The following DCPS variants were observed in gnomAD, a reference collection of about 807,000 sequenced individuals.
The protein encoded by DCPS is decapping enzyme, scavenger.
DCPS carries 27 observed loss-of-function variants against 34.7 expected under a neutral mutation model. The ratio of observed to expected loss-of-function variants is 0.78; its 90% CI spans 0.57 to 1.07. DCPS has a LOEUF of 1.07. Among genes scored for constraint, DCPS ranks in the 50% least tolerant of loss-of-function variants. DCPS has a pLI of 0.00. For missense variants in DCPS, 464 were observed against 436.9 expected, an observed-to-expected ratio of 1.06 and a Z score of -0.55; for synonymous variants, 185 against 185.7, an observed-to-expected ratio of 1.00 and a Z score of 0.03.
intron 2 of DCPS, among the ~76,000 whole-genome samples, chr11:126,308,032 A>G (rs1359251497): frequency 6.6e-6 from 1 of 152,208 alleles, no homozygotes; most frequent in Non-Finnish European, 1.5e-5. Context: ...GGGAGAGACA[A>G]CTAGTGAGAT....
chr11:126,335,412 T>C lies in DCPS; in HGVS notation c.523-2874T>C, dbSNP rs1031195839. 7.9e-5 allele frequency among the ~76,000 whole-genome samples: 12 copies of C among 152,254 alleles called. No homozygotes were observed. The highest frequency in any genetic ancestry group is 2.9e-4 in the African/African-American group (12 of 41,474). On this transcript the variant is annotated intron_variant, in intron 3 of 5. Coordinates refer to ENST00000263579, the MANE Select transcript of DCPS (RefSeq NM_014026.6). The surrounding 1 kb of genome is among the most constrained non-coding windows in gnomAD (Gnocchi z 4.8). ...TGGCACTCCCCATTACATAGCTCTC[T>C]GTGTTTGTGTGAATTTTGTTCTTTC... is the stretch of plus-strand genomic sequence containing the variant.
Position 126,338,094 on chromosome 11 carries a change from G to A in DCPS, c.523-192G>A, listed in dbSNP as rs1446257864. ...TGCCAGCTGGAGTGGGAAGGGGGAA[G>A]TCCCTTCTGGACCCCTAAGAACAGA... On this transcript the variant is annotated intron_variant, in intron 3 of 5. Transcript: ENST00000263579. This position sits in a 1 kb window ranked among gnomAD's most constrained non-coding sequence, Gnocchi z 5.4. 1.9e-5 allele frequency: 11 copies of A among 592,668 alleles called. No homozygotes were observed. The East Asian group carries it at 2.6e-4, about 14-fold the overall frequency. 36.7% of individuals were successfully genotyped at this position (592,668 alleles called of 1,614,324 possible). A position where few individuals can be genotyped will look rare whatever the true frequency, so the allele number is the denominator to read the frequency against.
At chr11:126,316,990 G>T (rs1160762860) in intron 2 of DCPS, among the ~76,000 whole-genome samples, 1 of 119,174 alleles carries the variant, frequency 8.4e-6, no homozygotes, top group African/African-American at 3.3e-5. Context: ...ATGGAGTCTC[G>T]CTCTGTCACC....
chr11:126,322,550 C>T lies in DCPS; in HGVS notation c.377-8855C>T, dbSNP rs559395676. 6.6e-6 allele frequency among the ~76,000 whole-genome samples: 1 copy of T among 151,848 alleles called. No individual in the cohort carries two copies. Among genetic ancestry groups the T allele is most frequent in the East Asian group, 1.9e-4 (1 of 5,138 alleles). On this transcript the variant is annotated intron_variant, in intron 2 of 5. Transcript: ENST00000263579. This position sits in a 1 kb window ranked among gnomAD's most constrained non-coding sequence, Gnocchi z 4.2. ...AAGGGCTGGGATTACAGGTGTTAGC[C>T]ACTATGCCCAGCCAGCATTCAGATT...
Position 126,346,275 on chromosome 11 carries a change from C to T in DCPS, c.*662C>T, listed in dbSNP as rs1352373838. ...TGCTCTGTTATTTGGTCAGCGAGTC[C>T]CCAGCCTTGAGTTTTTATCTCGGCA... On this transcript the variant is annotated 3_prime_UTR_variant, in exon 6 of 6. Coordinates refer to ENST00000263579, the MANE Select transcript of DCPS (RefSeq NM_014026.6). This position sits in a 1 kb window ranked among gnomAD's most constrained non-coding sequence, Gnocchi z 4.1. Among the ~76,000 whole-genome samples the T allele has an allele frequency of 6.6e-6, 1 of 152,094 alleles. No homozygotes were observed. Among genetic ancestry groups the T allele is most frequent in the Non-Finnish European group, 1.5e-5 (1 of 68,006 alleles).
rs368329810 is a variant in DCPS at position 126,304,307 on chromosome 11, G to A, written c.201+26G>A. Reference sequence around the variant, plus strand: ...GTACCAGGAGGCAACCCTGAGGTGGGATGCGGGAAGCAGTGAACCAATCAT... The same window carrying A: ...GTACCAGGAGGCAACCCTGAGGTGGAATGCGGGAAGCAGTGAACCAATCAT... On this transcript the variant is annotated intron_variant, in intron 1 of 5. Coordinates refer to ENST00000263579, the MANE Select transcript of DCPS (RefSeq NM_014026.6). 4.6e-4 allele frequency: 743 copies of A among 1,612,778 alleles called. 1 individual carries two copies. The highest frequency in any genetic ancestry group is 5.9e-4 in the Non-Finnish European group (698 of 1,179,080).
Position 126,346,861 on chromosome 11 carries a change from C to T in DCPS, c.*1248C>T, listed in dbSNP as rs1464600495. Among the ~76,000 whole-genome samples the T allele has an allele frequency of 6.6e-6, 1 of 152,084 alleles. No homozygotes were observed. The highest frequency in any genetic ancestry group is 1.5e-5 in the Non-Finnish European group (1 of 68,002). ...GGGTCTCAGGGCCTGCTGTGGACCC[C>T]CATGGTCCTGGGAGAGACTCCTTAG... On this transcript the variant is annotated 3_prime_UTR_variant, in exon 6 of 6. Transcript: ENST00000263579. The surrounding 1 kb of genome is among the most constrained non-coding windows in gnomAD (Gnocchi z 4.1).
chr11:126,336,534 G>C lies in DCPS; in HGVS notation c.523-1752G>C, dbSNP rs928920316. On this transcript the variant is annotated intron_variant, in intron 3 of 5. Coordinates refer to ENST00000263579, the MANE Select transcript of DCPS (RefSeq NM_014026.6). The surrounding 1 kb of genome is among the most constrained non-coding windows in gnomAD (Gnocchi z 6.3). ...ACCAGGTCTCCTTGGCTCAGAACCTGTTCACTCTCACTCTTATACTAGTCA... is the reference window on the plus strand; with the variant it reads ...ACCAGGTCTCCTTGGCTCAGAACCTCTTCACTCTCACTCTTATACTAGTCA... 6.6e-6 allele frequency: 1 copy of C among 152,332 alleles called. No homozygotes were observed. The highest frequency in any genetic ancestry group is 2.1e-4 in the South Asian group (1 of 4,826). 9.4% of individuals were successfully genotyped at this position (152,332 alleles called of 1,614,324 possible).
chr11:126,338,480 C>A lies in DCPS; in HGVS notation c.636+81C>A. 7.7e-7 allele frequency: 1 copy of A among 1,294,586 alleles called. No homozygotes were observed. The highest frequency in any genetic ancestry group is 1.1e-6 in the Non-Finnish European group (1 of 892,650). The allele number at this position is 1,294,586 out of a possible 1,614,324, so 80.2% of individuals were successfully genotyped here. ...GTCCTTCTGACTGCCCTCTTTCTCA[C>A]GCTGGCCTGTCTCTAAGCAGATTAT... On this transcript the variant is annotated intron_variant, in intron 4 of 5. Coordinates refer to ENST00000263579, the MANE Select transcript of DCPS (RefSeq NM_014026.6). The surrounding 1 kb of genome is among the most constrained non-coding windows in gnomAD (Gnocchi z 5.4).
At chr11:126,308,218 AG>A (rs1206378239) in intron 2 of DCPS, among the ~76,000 whole-genome samples, 1 of 152,238 alleles carries the variant, frequency 6.6e-6, no homozygotes, top group Admixed American at 6.5e-5. Flanking sequence ...TGGAAACATG[AG>A]TGAGACTGGT....
At position 126,319,262 on chromosome 11, in the gene DCPS, C is replaced by G. The variant is rs1338241915; in HGVS notation, c.377-12143C>G. 6.6e-6 allele frequency among the ~76,000 whole-genome samples: 1 copy of G among 152,006 alleles called. No homozygotes were observed. The highest frequency in any genetic ancestry group is 2.4e-5 in the African/African-American group (1 of 41,392). On this transcript the variant is annotated intron_variant, in intron 2 of 5. Coordinates refer to ENST00000263579, the MANE Select transcript of DCPS (RefSeq NM_014026.6). This position sits in a 1 kb window ranked among gnomAD's most constrained non-coding sequence, Gnocchi z 4.5. The stretch of plus-strand genomic sequence containing the variant: ...CCACCAGGCCCCTCTTCTGGGACTT[C>G]CCCCTTCATGCCTCCCACCCCATAA...
rs145771472 is a variant in DCPS, at chr11:126,317,761, C to G, written c.376+11017C>G. 3.5e-3 allele frequency among the ~76,000 whole-genome samples: 531 copies of G among 152,336 alleles called. 4 individuals are homozygous for G. Among genetic ancestry groups the G allele is most frequent in the African/African-American group, 0.012 (510 of 41,568 alleles). ...TGTGGTCTGGTCTGCTCAACCCCAG[C>G]ATAGTTTCTTTCTGTGTGTGGAGAA... On this transcript the variant is annotated intron_variant, in intron 2 of 5. Coordinates refer to ENST00000263579, the MANE Select transcript of DCPS (RefSeq NM_014026.6).
Position 126,319,780 on chromosome 11 carries a change from A to G in DCPS, c.377-11625A>G, listed in dbSNP as rs1232387012. On this transcript the variant is annotated intron_variant, in intron 2 of 5. Transcript: ENST00000263579. The surrounding 1 kb of genome is among the most constrained non-coding windows in gnomAD (Gnocchi z 4.5). Reference sequence around the variant, plus strand: ...GCCCGAAAGAGGTTGGGCCTTTGGGATACGGGAGTATTGCATAGAGGAACC... The same window carrying G: ...GCCCGAAAGAGGTTGGGCCTTTGGGGTACGGGAGTATTGCATAGAGGAACC... Among the ~76,000 whole-genome samples the G allele has an allele frequency of 6.6e-6, 1 of 152,106 alleles. No individual in the cohort carries two copies. Among genetic ancestry groups the G allele is most frequent in the African/African-American group, 2.4e-5 (1 of 41,416 alleles).
chr11:126,335,838 T>C lies in DCPS; in HGVS notation c.523-2448T>C, dbSNP rs1171216176. ...TTCTTGGGAGGCTGAGGCAGGAGAA[T>C]CACTTGAACCTGGGAGGTGGAGGTT... On this transcript the variant is annotated intron_variant, in intron 3 of 5. Coordinates refer to ENST00000263579, the MANE Select transcript of DCPS (RefSeq NM_014026.6). The surrounding 1 kb of genome is among the most constrained non-coding windows in gnomAD (Gnocchi z 4.8). Among the ~76,000 whole-genome samples, 1 of 152,110 alleles carries C rather than the reference T, an allele frequency of 6.6e-6. No homozygotes were observed. Among genetic ancestry groups the C allele is most frequent in the East Asian group, 1.9e-4 (1 of 5,196 alleles).
In DCPS at chr11:126,346,162, C is replaced by G. The variant is rs924584067; in HGVS notation, c.*549C>G. Among the ~76,000 whole-genome samples, 1 of 152,182 alleles carries G rather than the reference C, an allele frequency of 6.6e-6. No homozygotes were observed. The highest frequency in any genetic ancestry group is 1.5e-5 in the Non-Finnish European group (1 of 68,036). On this transcript the variant is annotated 3_prime_UTR_variant, in exon 6 of 6. Transcript: ENST00000263579. This position sits in a 1 kb window ranked among gnomAD's most constrained non-coding sequence, Gnocchi z 4.1. ...TGAGTCAGTCAACCCTGCTGATAAA[C>G]TTCTTGTTGACGAGGATAGGGGCTT... is the stretch of plus-strand genomic sequence containing the variant.
intron 1 of DCPS, among the ~76,000 whole-genome samples, chr11:126,305,322 C>T (rs1488078878): frequency 6.6e-6 from 1 of 150,958 alleles, no homozygotes; most frequent in Non-Finnish European, 1.5e-5. Flanking sequence ...ACCATGTTGG[C>T]CAGGCTGGTC....
At position 126,347,062 on chromosome 11, in the gene DCPS, G is replaced by C. The variant is rs559333898; in HGVS notation, c.*1449G>C. On this transcript the variant is annotated 3_prime_UTR_variant, in exon 6 of 6. Transcript: ENST00000263579. The surrounding 1 kb of genome is among the most constrained non-coding windows in gnomAD (Gnocchi z 4.2). ...CCACCGCACTTTGGCCTGGGTGACA[G>C]AGCAAGACTCCCTCTCAGAAAAAAA... 1.3e-5 allele frequency among the ~76,000 whole-genome samples: 2 copies of C among 151,416 alleles called. No individual in the cohort carries two copies. Among genetic ancestry groups the C allele is most frequent in the African/African-American group, 2.4e-5 (1 of 41,152 alleles).
At position 126,313,248 on chromosome 11, in the gene DCPS, T is replaced by C. The variant is rs1218969245; in HGVS notation, c.376+6504T>C. Among the ~76,000 whole-genome samples the C allele has an allele frequency of 6.6e-6, 1 of 152,178 alleles. No individual in the cohort carries two copies. Among genetic ancestry groups the C allele is most frequent in the East Asian group, 1.9e-4 (1 of 5,190 alleles). Reference sequence around the variant, plus strand: ...GGTGGGATCCTGGGAATCGTTTCTCTGGTTGCAGGGAACTCCCGGTACTGT... The same window carrying C: ...GGTGGGATCCTGGGAATCGTTTCTCCGGTTGCAGGGAACTCCCGGTACTGT... On this transcript the variant is annotated intron_variant, in intron 2 of 5. Transcript: ENST00000263579. This position sits in a 1 kb window ranked among gnomAD's most constrained non-coding sequence, Gnocchi z 4.9.
chr11:126,319,518 C>T lies in DCPS; in HGVS notation c.377-11887C>T, dbSNP rs994434670. Among the ~76,000 whole-genome samples, 9 of 152,050 alleles carry T rather than the reference C, an allele frequency of 5.9e-5. No homozygotes were observed. The highest frequency in any genetic ancestry group is 1.2e-4 in the African/African-American group (5 of 41,376). On this transcript the variant is annotated intron_variant, in intron 2 of 5. Transcript: ENST00000263579. The surrounding 1 kb of genome is among the most constrained non-coding windows in gnomAD (Gnocchi z 4.5). ...AGCTCAGGGGAGTGGACTCTCCTTC[C>T]CTGAGCTCCCCAGGAAGCATCTTGG...
Sources: gnomAD v4.1 joint callset for allele counts (sites outside exome capture counted in the v4.1 genomes callset) on GRCh38, gnomAD v4.1.1 for gene constraint, Gnocchi (gnomAD v3.1) non-coding constraint, MANE v1.5 for transcripts, NCBI Gene and HGNC (gene_info 2026-07-23, HGNC 2026-07-21) for gene names.